Variants in OR51L1 observed in about 807,000 individuals in gnomAD.
The protein encoded by OR51L1 is olfactory receptor family 51 subfamily L member 1, also known as olfactory receptor 51L1.
In OR51L1, 1 loss-of-function variant was observed where a neutral mutation model predicts 1.4. That is an observed-to-expected ratio of 0.72 (90% CI 0.26 to 3.42). The LOEUF (loss-of-function observed/expected upper bound fraction) is 3.42. Ranked by LOEUF, OR51L1 falls within the 30% of genes most tolerant of loss-of-function variation. The pLI, the probability that OR51L1 is intolerant of heterozygous loss-of-function variation, is 0.20. For synonymous variants in OR51L1, 156 were observed against 144.2 expected, an observed-to-expected ratio of 1.08 and a Z score of -0.59; for missense variants, 378 against 380.0, an observed-to-expected ratio of 0.99 and a Z score of 0.04.
rs1482057678 is a variant in OR51L1, at chr11:5,000,106, A to G, written c.*176A>G. ...TGAAACTCAGGATTTTTTTGGACAAATTGTGACAACTATGGCCTTACGTTG... is the reference window on the plus strand; with the variant it reads ...TGAAACTCAGGATTTTTTTGGACAAGTTGTGACAACTATGGCCTTACGTTG... On this transcript the variant is annotated 3_prime_UTR_variant, in exon 3 of 3. Transcript: ENST00000641819. 1.5e-6 allele frequency: 1 copy of G among 657,256 alleles called. No individual in the cohort carries two copies. The highest frequency in any genetic ancestry group is 2.7e-5 in the South Asian group (1 of 37,304). 40.7% of individuals were successfully genotyped at this position (657,256 alleles called of 1,614,324 possible).
At position 5,002,547 on chromosome 11, in the gene OR51L1, A is replaced by G. The variant is rs543190068; in HGVS notation, c.*2617A>G. On this transcript the variant is annotated 3_prime_UTR_variant, in exon 3 of 3. Transcript: ENST00000641819. ...CAGTAAGTCCAGTAGAAAGCCTTCA[A>G]TTTTTTTTTTTTTACCTTTTCAGGA... is the stretch of plus-strand genomic sequence containing the variant. 6.7e-6 allele frequency: 1 copy of G among 148,712 alleles called. No individual in the cohort carries two copies. Among genetic ancestry groups the G allele is most frequent in the African/African-American group, 2.5e-5 (1 of 40,618 alleles). The allele number at this position is 148,712 out of a possible 1,614,324, so 9.2% of individuals were successfully genotyped here.
chr11:4,999,794 C>A lies in OR51L1; in HGVS notation c.812C>A (p.Ser271Tyr). ...SMVHRFGKHLSPIVHILMADI... is the reference protein window; with the variant it reads ...SMVHRFGKHLYPIVHILMADI... Reference sequence around the variant, plus strand: ...GTCCATCGCTTTGGGAAGCATCTGTCTCCCATAGTCCACATCCTCATGGCA... The same window carrying A: ...GTCCATCGCTTTGGGAAGCATCTGTATCCCATAGTCCACATCCTCATGGCA... Residue 271 changes from serine (S) to tyrosine (Y), a missense_variant, in exon 3 of 3, where the codon TCT becomes TAT. Ser to Tyr is a moderately radical substitution (Grantham distance 144). Coordinates refer to ENST00000641819, the MANE Select transcript of OR51L1 (RefSeq NM_001004755.2). 1 of 1,614,028 alleles carries A rather than the reference C, an allele frequency of 6.2e-7. No individual in the cohort carries two copies. Among genetic ancestry groups the A allele is most frequent in the Middle Eastern group, 1.6e-4 (1 of 6,062 alleles).
At position 4,998,964 on chromosome 11, in the gene OR51L1, T is replaced by C. The variant is rs770096924; in HGVS notation, c.-19T>C. On this transcript the variant is annotated 5_prime_UTR_variant, in exon 3 of 3. Coordinates refer to ENST00000641819, the MANE Select transcript of OR51L1 (RefSeq NM_001004755.2). ...ACACGAACCATTCCTCACTACTTGC[T>C]GAATTACTCAAAGTCACTATGGGAG... 8 of 1,602,066 alleles carry C rather than the reference T, an allele frequency of 5.0e-6. No homozygotes were observed. In the South Asian group the frequency reaches 5.6e-5, roughly 11 times the overall value.
Position 4,999,322 on chromosome 11 carries a change from T to C in OR51L1, c.340T>C (p.Ser114Pro). The change falls in exon 3 of 3, where the codon TCC becomes CCC. Residue 114 changes from serine (S) to proline (P), a missense_variant. Physicochemically the swap from Ser to Pro is moderately conservative, Grantham distance 74. Transcript: ENST00000641819. Reference sequence around the variant, plus strand: ...CATCCACACATTCACATTCCTGGAGTCCTCAGTGTTGCTGGCCATGGCCTT... The same window carrying C: ...CATCCACACATTCACATTCCTGGAGCCCTCAGTGTTGCTGGCCATGGCCTT... ...FFIHTFTFLE[S>P]SVLLAMAFDR... 6.2e-7 allele frequency: 1 copy of C among 1,614,088 alleles called. No homozygotes were observed. Among genetic ancestry groups the C allele is most frequent in the Non-Finnish European group, 8.5e-7 (1 of 1,180,010 alleles).
At position 4,999,790 on chromosome 11, in the gene OR51L1, C is replaced by T; in HGVS notation, c.808C>T (p.Leu270=). ...VSMVHRFGKH[L]SPIVHILMAD... Reference sequence around the variant, plus strand: ...AATGGTCCATCGCTTTGGGAAGCATCTGTCTCCCATAGTCCACATCCTCAT... The same window carrying T: ...AATGGTCCATCGCTTTGGGAAGCATTTGTCTCCCATAGTCCACATCCTCAT... Residue 270 remains leucine, a synonymous_variant, in exon 3 of 3, where the codon CTG becomes TTG. Coordinates refer to ENST00000641819, the MANE Select transcript of OR51L1 (RefSeq NM_001004755.2). 1.2e-6 allele frequency: 2 copies of T among 1,614,070 alleles called. No homozygotes were observed. Among genetic ancestry groups the T allele is most frequent in the Non-Finnish European group, 1.7e-6 (2 of 1,179,984 alleles).
Position 5,003,432 on chromosome 11 carries a change from G to T in OR51L1, c.*3502G>T, listed in dbSNP as rs1229112949. 1 of 151,922 alleles carries T rather than the reference G, an allele frequency of 6.6e-6. No homozygotes were observed. The highest frequency in any genetic ancestry group is 1.5e-5 in the Non-Finnish European group (1 of 68,024). 9.4% of individuals were successfully genotyped at this position (151,922 alleles called of 1,614,324 possible). A position where few individuals can be genotyped will look rare whatever the true frequency, so the allele number is the denominator to read the frequency against. ...ATGTCTAGAAAGTTACTTCCTTTTG[G>T]CATCTGCATTCTATTAGCAGTTTAG... On this transcript the variant is annotated 3_prime_UTR_variant, in exon 3 of 3. Transcript: ENST00000641819.
Position 5,000,171 on chromosome 11 carries a change from T to G in OR51L1, c.*241T>G. 2.6e-6 allele frequency: 1 copy of G among 379,408 alleles called. No homozygotes were observed. Among genetic ancestry groups the G allele is most frequent in the Non-Finnish European group, 4.7e-6 (1 of 211,910 alleles). The allele number at this position is 379,408 out of a possible 1,614,324, so 23.5% of individuals were successfully genotyped here. A position where few individuals can be genotyped will look rare whatever the true frequency, so the allele number is the denominator to read the frequency against. On this transcript the variant is annotated 3_prime_UTR_variant, in exon 3 of 3. Coordinates refer to ENST00000641819, the MANE Select transcript of OR51L1 (RefSeq NM_001004755.2). ...CAAGACTTATAATAGAAAATGTATG[T>G]GCTAAGTCAAGTTTTTTGAAAACTA...
chr11:5,000,006 G>A lies in OR51L1; in HGVS notation c.*76G>A. 1.5e-6 allele frequency: 2 copies of A among 1,372,034 alleles called. No individual in the cohort carries two copies. Among genetic ancestry groups the A allele is most frequent in the Non-Finnish European group, 2.0e-6 (2 of 1,025,266 alleles). 85.0% of individuals were successfully genotyped at this position (1,372,034 alleles called of 1,614,324 possible). A position where few individuals can be genotyped will look rare whatever the true frequency, so the allele number is the denominator to read the frequency against. ...TAGTATATGAAAAGTAAAATATCTG[G>A]GTGTTGCTCATCTGGTTAAAATCCT... On this transcript the variant is annotated 3_prime_UTR_variant, in exon 3 of 3. Coordinates refer to ENST00000641819, the MANE Select transcript of OR51L1 (RefSeq NM_001004755.2).
chr11:5,005,536 C>A lies in OR51L1; in HGVS notation c.*5606C>A, dbSNP rs961654451. 1 of 152,108 alleles carries A rather than the reference C, an allele frequency of 6.6e-6. No individual in the cohort carries two copies. Among genetic ancestry groups the A allele is most frequent in the Non-Finnish European group, 1.5e-5 (1 of 68,014 alleles). The allele number at this position is 152,108 out of a possible 1,614,324, so 9.4% of individuals were successfully genotyped here. On this transcript the variant is annotated 3_prime_UTR_variant, in exon 3 of 3. Coordinates refer to ENST00000641819, the MANE Select transcript of OR51L1 (RefSeq NM_001004755.2). ...AGTGCCCTAAACCTGGCTTAATAAA[C>A]TTCAGTGATTGAGACTTATGCCTCA...
chr11:4,999,918 G>A lies in OR51L1; in HGVS notation c.936G>A (p.Arg312=). 6.2e-7 allele frequency: 1 copy of A among 1,608,106 alleles called. No individual in the cohort carries two copies. Among genetic ancestry groups the A allele is most frequent in the Non-Finnish European group, 8.5e-7 (1 of 1,176,576 alleles). Reference sequence around the variant, plus strand: ...GAATTCTCCACAAGTTTGTCCTAAGGAGGAGGTTTTAAGTAACCTCTGTCC... The same window carrying A: ...GAATTCTCCACAAGTTTGTCCTAAGAAGGAGGTTTTAAGTAACCTCTGTCC... The part of the protein sequence containing the change: ...RLGILHKFVL[R]RRF The change falls in exon 3 of 3, where the codon AGG becomes AGA. Residue 312 remains arginine, a synonymous_variant. Transcript: ENST00000641819.
chr11:4,998,280 AT>A (rs1218602155), intron 2 of OR51L1, among the ~76,000 whole-genome samples: 8 of 150,264 alleles, frequency 5.3e-5, no homozygotes, highest in East Asian at 2.0e-4. Context: ...TTTACCGTGA[AT>A]TTTTTTTTAG....
chr11:5,000,773 C>T lies in OR51L1; in HGVS notation c.*843C>T, dbSNP rs1247427656. On this transcript the variant is annotated 3_prime_UTR_variant, in exon 3 of 3. Transcript: ENST00000641819. ...TGGTATGCAGGCCATGCAGAAGGCA[C>T]ATAGACTTGTGGGGTCTATAAGGCT... is the stretch of plus-strand genomic sequence containing the variant. 1.3e-5 allele frequency: 2 copies of T among 152,274 alleles called. No individual in the cohort carries two copies. The highest frequency in any genetic ancestry group is 4.8e-5 in the African/African-American group (2 of 41,446). The allele number at this position is 152,274 out of a possible 1,614,324, so 9.4% of individuals were successfully genotyped here. A position where few individuals can be genotyped will look rare whatever the true frequency, so the allele number is the denominator to read the frequency against.
intron 1 of OR51L1, 69 bp from the exon 2 acceptor site, chr11:4,997,413 G>C (rs915639145): frequency 1.3e-5 from 2 of 152,136 alleles, no homozygotes; most frequent in Admixed American, 1.3e-4. Context: ...TGTGATACGA[G>C]TTTGAGACCA....
At chr11:4,995,939 C>CG (rs1847064421) in intron 1 of OR51L1, among the ~76,000 whole-genome samples, 1 of 151,840 alleles carries the variant, frequency 6.6e-6, no homozygotes. Context: ...TTAGGGGGCC[C>CG]GGGTAGTGGA....
intron 1 of OR51L1, among the ~76,000 whole-genome samples, chr11:4,996,068 T>C (rs1244564387): frequency 6.6e-6 from 1 of 152,092 alleles, no homozygotes; most frequent in Non-Finnish European, 1.5e-5. Flanking sequence ...GGAACTCTTT[T>C]CAGGTGAGGG....
Position 4,999,321 on chromosome 11 carries a change from G to A in OR51L1, c.339G>A (p.Glu113=). Residue 113 remains glutamate (E), a synonymous_variant, in exon 3 of 3, where the codon GAG becomes GAA. Coordinates refer to ENST00000641819, the MANE Select transcript of OR51L1 (RefSeq NM_001004755.2). ...TCATCCACACATTCACATTCCTGGA[G>A]TCCTCAGTGTTGCTGGCCATGGCCT... The part of the protein sequence containing the change: ...LFFIHTFTFL[E]SSVLLAMAFD... 1.2e-6 allele frequency: 2 copies of A among 1,614,150 alleles called. No homozygotes were observed. The highest frequency in any genetic ancestry group is 1.3e-5 in the African/African-American group (1 of 75,050).
rs1412344720 is a variant in OR51L1, at chr11:4,999,925, T to C, written c.943T>C (p.Phe315Leu). 1 of 1,603,226 alleles carries C rather than the reference T, an allele frequency of 6.2e-7. No individual in the cohort carries two copies. The highest frequency in any genetic ancestry group is 1.3e-5 in the African/African-American group (1 of 74,596). ...CCACAAGTTTGTCCTAAGGAGGAGG[T>C]TTTAAGTAACCTCTGTCCTCCAACT... Reference protein sequence around the residue: ...ILHKFVLRRRF With the variant: ...ILHKFVLRRRL Residue 315 changes from phenylalanine (F) to leucine (L), a missense_variant, in exon 3 of 3, where the codon TTT becomes CTT. Physicochemically the swap from Phe to Leu is conservative, Grantham distance 22 (BLOSUM62 0). Transcript: ENST00000641819.
chr11:4,999,039 TC>T lies in OR51L1; in HGVS notation c.59del (p.Pro20LeufsTer20), dbSNP rs1847098837. ...VEPIFILRGFPGLEYVHSWLS... is the reference protein window; with the variant it reads ...VEPIFILRGFXGLEYVHSWLS... ...AGCCCATATTTATCCTGAGGGGTTT[TC>T]CTGGACTGGAGTATGTTCATTCTTG... is the stretch of plus-strand genomic sequence containing the variant. On this transcript the variant is annotated frameshift_variant, in exon 3 of 3. Transcript: ENST00000641819. LOFTEE classifies it low-confidence loss of function (END_TRUNC). The T allele has an allele frequency of 6.2e-7, 1 of 1,613,998 alleles. No homozygotes were observed. The highest frequency in any genetic ancestry group is 1.3e-5 in the African/African-American group (1 of 74,928).
intron 2 of OR51L1, among the ~76,000 whole-genome samples, chr11:4,998,556 G>T (rs1847093074): frequency 6.6e-6 from 1 of 152,140 alleles, no homozygotes; most frequent in African/African-American, 2.4e-5. Context: ...TGAATGAAAA[G>T]ATAGCCTAGA....
Sources: gnomAD v4.1 joint callset for allele counts (sites outside exome capture counted in the v4.1 genomes callset) on GRCh38, gnomAD v4.1.1 for gene constraint, MANE v1.5 for transcripts, NCBI Gene and HGNC (gene_info 2026-07-23, HGNC 2026-07-21) for gene names.